Variants in EPCIP observed in about 807,000 individuals in gnomAD.
EPCIP encodes the protein exosomal polycystin 1 interacting protein.
At chr21:32,813,264 T>G in the EPCIP span, among the ~76,000 whole-genome samples, 1 of 152,210 alleles carries the variant, frequency 6.6e-6, no homozygotes, top group African/African-American at 2.4e-5. Flanking sequence ...CTATCTGTTA[T>G]ATTAGCTTTA....
chr21:32,802,130 AG>A, the EPCIP span, among the ~76,000 whole-genome samples: 1 of 152,310 alleles, frequency 6.6e-6, no homozygotes, highest in Admixed American at 6.5e-5. Context: ...TTATGCTGGC[AG>A]TTACTTGGTC....
the EPCIP span, among the ~76,000 whole-genome samples, chr21:32,809,284 C>CTT: frequency 4.6e-5 from 5 of 107,614 alleles, no homozygotes; most frequent in Non-Finnish European, 5.8e-5. Flanking sequence ...TCCTTCCTTT[C>CTT]TTTCTTTCTT....
At chr21:32,807,239 T>C in the EPCIP span, among the ~76,000 whole-genome samples, 60 of 152,112 alleles carry the variant, frequency 3.9e-4, no homozygotes, top group African/African-American at 1.4e-3. Flanking sequence ...GCCTGGCACA[T>C]AGGAGCACTC....
At chr21:32,795,987 T>TTCCCTCCTTCCA in the EPCIP span, among the ~76,000 whole-genome samples, 77 of 141,988 alleles carry the variant, frequency 5.4e-4, no homozygotes, top group African/African-American at 1.8e-3. Context: ...CTTCCTTCCC[T>TTCCCTCCTTCCA]CCTTCCCTCC....
the EPCIP span, among the ~76,000 whole-genome samples, chr21:32,802,833 G>T: frequency 6.6e-6 from 1 of 152,204 alleles, no homozygotes; most frequent in Non-Finnish European, 1.5e-5. Context: ...CCAGGCTGGA[G>T]TGCAGTGGCG....
chr21:32,809,283 T>TCTTTCTTC, the EPCIP span, among the ~76,000 whole-genome samples: 9 of 26,752 alleles, frequency 3.4e-4, no homozygotes, highest in African/African-American at 9.0e-4. Flanking sequence ...CTCCTTCCTT[T>TCTTTCTTC]CTTTCTTTCT....
At chr21:32,811,228 T>A in the EPCIP span, among the ~76,000 whole-genome samples, 11 of 151,678 alleles carry the variant, frequency 7.3e-5, no homozygotes, top group African/African-American at 2.7e-4. Flanking sequence ...CATCCCGGAT[T>A]CAAGTAATTC....
the EPCIP span, among the ~76,000 whole-genome samples, chr21:32,809,715 A>T: frequency 2.3e-3 from 347 of 152,072 alleles, 1 homozygote; most frequent in Non-Finnish European, 4.1e-3. Context: ...CATGCTGGGT[A>T]TGTTGCCCTC....
the EPCIP span, among the ~76,000 whole-genome samples, chr21:32,805,349 T>C: frequency 2.3e-5 from 2 of 88,560 alleles, no homozygotes; most frequent in Non-Finnish European, 4.2e-5. Flanking sequence ...GCCACTAACA[T>C]TGTAGATTAT....
the EPCIP span, among the ~76,000 whole-genome samples, chr21:32,813,311 C>T: frequency 1.3e-5 from 2 of 152,234 alleles, no homozygotes; most frequent in East Asian, 3.9e-4. Flanking sequence ...ATGAGAAGAC[C>T]ATGTCATTCT....
chr21:32,803,728 TTACTGTGA>T, the EPCIP span, among the ~76,000 whole-genome samples: 299 of 152,340 alleles, frequency 2.0e-3, no homozygotes, highest in African/African-American at 5.7e-3. Flanking sequence ...CAATGTTTTC[TTACTGTGA>T]TACTGTGATA....
chr21:32,792,103 C>T, the EPCIP span, among the ~76,000 whole-genome samples: 1 of 152,118 alleles, frequency 6.6e-6, no homozygotes. Context: ...AGGGTTTCTC[C>T]ATGTTGGTCA....
chr21:32,793,098 C>T, the EPCIP span, among the ~76,000 whole-genome samples: 1,046 of 152,108 alleles, frequency 6.9e-3, 9 homozygotes, highest in Middle Eastern at 0.014. Flanking sequence ...GCTGGGATTA[C>T]AGGCATGTGC....
At chr21:32,809,971 G>C in the EPCIP span, among the ~76,000 whole-genome samples, 1 of 151,950 alleles carries the variant, frequency 6.6e-6, no homozygotes, top group Non-Finnish European at 1.5e-5. Flanking sequence ...AGTCGTGTTA[G>C]ATTTTTAAGC....
At chr21:32,793,943 C>G in the EPCIP span, 1 of 1,614,056 alleles carries the variant, frequency 6.2e-7, no homozygotes, top group Non-Finnish European at 8.5e-7. Context: ...TGGCTGCCAG[C>G]CTTTGTGTAA....
chr21:32,812,847 T>C, the EPCIP span, among the ~76,000 whole-genome samples: 3 of 152,124 alleles, frequency 2.0e-5, no homozygotes, highest in African/African-American at 4.8e-5. Flanking sequence ...AGACTGTATA[T>C]GTTCTACTCA....
the EPCIP span, among the ~76,000 whole-genome samples, chr21:32,808,368 A>T: frequency 1.3e-5 from 2 of 152,038 alleles, no homozygotes; most frequent in Non-Finnish European, 2.9e-5. Context: ...AAGAGAATTC[A>T]GATCTTCCAC....
chr21:32,794,621 A>G, the EPCIP span: 2 of 615,318 alleles, frequency 3.3e-6, no homozygotes, highest in Admixed American at 3.0e-5. Flanking sequence ...GCCACAGGCA[A>G]TGCTTGCAGC....
chr21:32,805,095 A>G, the EPCIP span, among the ~76,000 whole-genome samples: 3 of 152,206 alleles, frequency 2.0e-5, no homozygotes, highest in Non-Finnish European at 2.9e-5. Flanking sequence ...GGTGGGCCCA[A>G]TGTAATCAAC....
Sources: gnomAD v4.1 joint callset for allele counts (sites outside exome capture counted in the v4.1 genomes callset) on GRCh38, gnomAD v4.1.1 for gene constraint, MANE v1.5 for transcripts, NCBI Gene and HGNC (gene_info 2026-07-23, HGNC 2026-07-21) for gene names.